THSD4: variants seen among roughly 807,000 people sequenced by gnomAD.
THSD4 encodes thrombospondin type-1 domain-containing protein 4.
THSD4 carries 69 observed loss-of-function variants against 119.0 expected under a neutral mutation model. The ratio of observed to expected loss-of-function variants is 0.58; its 90% CI spans 0.48 to 0.71. THSD4 has a LOEUF of 0.71. Among genes scored for constraint, THSD4 ranks in the 30% least tolerant of loss-of-function variants. THSD4 has a pLI of 0.00. For missense variants in THSD4, 1,393 were observed against 1,391.1 expected (o/e 1.00, Z -0.02); for synonymous variants, 524 against 540.4 (o/e 0.97, Z 0.42).
At chr15:71,749,209 A>G (rs1306314857) in intron 14 of THSD4, among the ~76,000 whole-genome samples, 1 of 152,284 alleles carries the variant, frequency 6.6e-6, no homozygotes, top group African/African-American at 2.4e-5. Context: ...TGTGGGCTTA[A>G]AAGTGGTTAC....
chr15:71,215,424 C>T (rs1191562180), intron 4 of THSD4, 25 bp downstream of exon 4: 8 of 1,497,712 alleles, frequency 5.3e-6, no homozygotes, highest in Non-Finnish European at 7.1e-6. Flanking sequence ...TTGTCTGTGC[C>T]GCTCCCCGTC....
intron 1 of THSD4, among the ~76,000 whole-genome samples, chr15:71,109,184 C>T (rs755623040): frequency 2.6e-5 from 4 of 152,162 alleles, no homozygotes; most frequent in Non-Finnish European, 5.9e-5. Flanking sequence ...TTCAGGGTCA[C>T]CCACTCAGGT....
At chr15:71,711,129 A>G (rs1392910618) in intron 8 of THSD4, among the ~76,000 whole-genome samples, 4 of 150,148 alleles carry the variant, frequency 2.7e-5, no homozygotes, top group African/African-American at 4.9e-5. Context: ...GAATTTCAAT[A>G]TATGTAGATG....
intron 7 of THSD4, among the ~76,000 whole-genome samples, chr15:71,547,998 C>A (rs1012771853): frequency 1.3e-5 from 2 of 151,386 alleles, no homozygotes; most frequent in African/African-American, 4.9e-5. Context: ...TACAACAGGG[C>A]TAGGAGTGTA....
At chr15:71,509,664 T>C (rs2048248561) in intron 7 of THSD4, among the ~76,000 whole-genome samples, 1 of 152,204 alleles carries the variant, frequency 6.6e-6, no homozygotes, top group African/African-American at 2.4e-5. Context: ...TTGGCTGCTT[T>C]CACCATACTG....
At chr15:71,342,117 T>C (rs988324963) in intron 6 of THSD4, among the ~76,000 whole-genome samples, 3 of 146,876 alleles carry the variant, frequency 2.0e-5, no homozygotes, top group Non-Finnish European at 4.5e-5. Context: ...ATCCTTTGAT[T>C]GACTGAAACG....
intron 7 of THSD4, among the ~76,000 whole-genome samples, chr15:71,649,056 G>A (rs747172712): frequency 8.5e-5 from 13 of 152,114 alleles, no homozygotes; most frequent in Admixed American, 1.3e-4. Flanking sequence ...CATATGGAAC[G>A]TAGAAAAGAA....
intron 1 of THSD4, among the ~76,000 whole-genome samples, chr15:71,117,599 C>G (rs771343337): frequency 2.0e-5 from 3 of 152,186 alleles, no homozygotes; most frequent in Non-Finnish European, 4.4e-5. Context: ...ATTCCCACTG[C>G]CCCCACCTTC....
At chr15:71,606,180 T>G (rs971198975) in intron 7 of THSD4, among the ~76,000 whole-genome samples, 32 of 152,348 alleles carry the variant, frequency 2.1e-4, no homozygotes, top group African/African-American at 7.7e-4. Context: ...CTGTTTTTGT[T>G]TTTGTTTTTT....
At chr15:71,571,853 G>A (rs967612162) in intron 7 of THSD4, among the ~76,000 whole-genome samples, 9 of 152,174 alleles carry the variant, frequency 5.9e-5, no homozygotes, top group African/African-American at 2.2e-4. Flanking sequence ...AGCTGCTGGG[G>A]TTGGCCACAA....
intron 3 of THSD4, among the ~76,000 whole-genome samples, chr15:71,198,714 C>T (rs1380811161): frequency 1.3e-5 from 2 of 152,056 alleles, no homozygotes; most frequent in Admixed American, 6.5e-5. Flanking sequence ...CATTCAGGAA[C>T]CCCAGCTGGC....
At chr15:71,414,261 A>G (rs1224326984) in intron 7 of THSD4, among the ~76,000 whole-genome samples, 1 of 152,234 alleles carries the variant, frequency 6.6e-6, no homozygotes, top group Non-Finnish European at 1.5e-5. Flanking sequence ...GGCATTTATT[A>G]GTATCACTGC....
chr15:71,278,263 A>C (rs191803436), intron 6 of THSD4, among the ~76,000 whole-genome samples: 1 of 152,112 alleles, frequency 6.6e-6, no homozygotes, highest in African/African-American at 2.4e-5. Context: ...TGGCATGATC[A>C]TGGCTCATTG....
intron 2 of THSD4, 78 bp from the exon 3 acceptor site, chr15:71,154,785 A>T: frequency 7.0e-7 from 1 of 1,427,804 alleles, no homozygotes; most frequent in Non-Finnish European, 9.9e-7. Flanking sequence ...CACTGATGAG[A>T]TGGCGATGCT....
intron 6 of THSD4, among the ~76,000 whole-genome samples, chr15:71,311,143 G>A (rs1354092803): frequency 6.6e-6 from 1 of 152,092 alleles, no homozygotes; most frequent in East Asian, 1.9e-4. Flanking sequence ...CATTCCAAGA[G>A]GCCGTCAAAG....
At chr15:71,765,758 C>G (rs776786096) in intron 16 of THSD4, among the ~76,000 whole-genome samples, 2 of 150,352 alleles carry the variant, frequency 1.3e-5, no homozygotes, top group Non-Finnish European at 2.9e-5. Flanking sequence ...TTTTTAATTA[C>G]TACATTACAC....
intron 3 of THSD4, among the ~76,000 whole-genome samples, chr15:71,155,229 G>A (rs984196049): frequency 4.6e-5 from 7 of 152,272 alleles, no homozygotes; most frequent in Admixed American, 1.3e-4. Flanking sequence ...CAATTATGGC[G>A]GAAGACAAAG....
chr15:71,411,320 T>A (rs915665043), intron 6 of THSD4, among the ~76,000 whole-genome samples: 1 of 152,192 alleles, frequency 6.6e-6, no homozygotes, highest in African/African-American at 2.4e-5. Flanking sequence ...CTGATAACTT[T>A]AATGCACTTT....
chr15:71,376,545 T>C (rs2046138982), intron 6 of THSD4, among the ~76,000 whole-genome samples: 1 of 152,158 alleles, frequency 6.6e-6, no homozygotes, highest in Middle Eastern at 3.2e-3. Context: ...CATTTGGATC[T>C]CCCCTGGGAC....
Sources: gnomAD v4.1 joint callset for allele counts (sites outside exome capture counted in the v4.1 genomes callset) on GRCh38, gnomAD v4.1.1 for gene constraint, MANE v1.5 for transcripts, NCBI Gene and HGNC (gene_info 2026-07-23, HGNC 2026-07-21) for gene names.